The following NLGN1 variants were observed in gnomAD, a reference collection of about 807,000 sequenced individuals.
NLGN1 encodes the protein neuroligin 1, also known as neuroligin-1.
In NLGN1, 12 loss-of-function variants were observed where a neutral mutation model predicts 65.5. The observed-to-expected ratio is 0.18, with a 90% CI of 0.12 to 0.30. NLGN1 has a LOEUF of 0.30. Among genes scored for constraint, NLGN1 ranks in the 10% least tolerant of loss-of-function variants. The pLI is 1.00. For missense variants in NLGN1, 750 were observed against 1,007.1 expected (o/e 0.74, Z 3.46); for synonymous variants, 350 against 359.5 (o/e 0.97, Z 0.30).
At chr3:174,268,648 C>G (rs1006733582) in intron 4 of NLGN1, among the ~76,000 whole-genome samples, 5 of 152,054 alleles carry the variant, frequency 3.3e-5, no homozygotes, top group Admixed American at 2.6e-4. Flanking sequence ...ATAGAAGGAA[C>G]AATCTCACCT....
intron 4 of NLGN1, among the ~76,000 whole-genome samples, chr3:174,061,856 T>C (rs1297572583): frequency 2.0e-5 from 3 of 152,086 alleles, no homozygotes; most frequent in Non-Finnish European, 2.9e-5. Flanking sequence ...AGAAATTATG[T>C]GTAAAAGTGC....
intron 2 of NLGN1, among the ~76,000 whole-genome samples, chr3:173,556,676 G>A (rs147023005): frequency 1.3e-5 from 2 of 152,022 alleles, no homozygotes; most frequent in Non-Finnish European, 2.9e-5. Flanking sequence ...CCTGGTGCAC[G>A]TGCCTGTAGT....
chr3:173,662,966 CAAGTATA>C (rs1263012811), intron 3 of NLGN1, among the ~76,000 whole-genome samples: 1 of 151,822 alleles, frequency 6.6e-6, no homozygotes, highest in Non-Finnish European at 1.5e-5. Context: ...ATTTTTATAC[CAAGTATA>C]AAGCACACTG....
intron 3 of NLGN1, among the ~76,000 whole-genome samples, chr3:173,725,333 A>G (rs1469501705): frequency 1.3e-5 from 2 of 152,192 alleles, no homozygotes; most frequent in Non-Finnish European, 2.9e-5. Context: ...TTCAAAAGCC[A>G]AAAGTTACTA....
intron 4 of NLGN1, among the ~76,000 whole-genome samples, chr3:174,095,608 CAT>C (rs917319692): frequency 3.3e-5 from 5 of 151,224 alleles, no homozygotes; most frequent in African/African-American, 1.2e-4. Flanking sequence ...TATATACACA[CAT>C]GTATAAACTG....
chr3:174,177,428 G>GACCATAT (rs1267451443), intron 4 of NLGN1, among the ~76,000 whole-genome samples: 1 of 151,988 alleles, frequency 6.6e-6, no homozygotes, highest in African/African-American at 2.4e-5. Context: ...TAGAAGCGAT[G>GACCATAT]ACCATATTGT....
chr3:174,202,020 T>C (rs1430317054), intron 4 of NLGN1, among the ~76,000 whole-genome samples: 2 of 152,154 alleles, frequency 1.3e-5, no homozygotes, highest in African/African-American at 2.4e-5. Context: ...TCCCATTTCT[T>C]CCTCCTTCTT....
chr3:173,648,213 A>G (rs1758579038), intron 3 of NLGN1, among the ~76,000 whole-genome samples: 1 of 152,222 alleles, frequency 6.6e-6, no homozygotes, highest in East Asian at 1.9e-4. Context: ...ATGAACAGAT[A>G]TGCTACAAAT....
chr3:173,415,939 A>C (rs62290043), intron 1 of NLGN1, among the ~76,000 whole-genome samples: 11,216 of 122,384 alleles, frequency 0.092, 578 homozygotes, highest in Admixed American at 0.14. Flanking sequence ...AGAGAGAGAG[A>C]GAGAGCTTGG....
chr3:173,491,476 G>A (rs1270118745), intron 2 of NLGN1, among the ~76,000 whole-genome samples: 2 of 151,820 alleles, frequency 1.3e-5, no homozygotes, highest in Non-Finnish European at 2.9e-5. Context: ...GCTTTTTGAT[G>A]TGCTGCTGGA....
chr3:174,174,793 T>G (rs1729149525), intron 4 of NLGN1, among the ~76,000 whole-genome samples: 1 of 152,006 alleles, frequency 6.6e-6, no homozygotes, highest in South Asian at 2.1e-4. Flanking sequence ...AGCTGTAAAC[T>G]CCTCCCTTAG....
chr3:173,955,833 A>G (rs1274091510), intron 4 of NLGN1, among the ~76,000 whole-genome samples: 1 of 152,146 alleles, frequency 6.6e-6, no homozygotes, highest in Non-Finnish European at 1.5e-5. Flanking sequence ...TTCTATTATT[A>G]TTTAATTTAT....
chr3:174,166,741 T>C (rs1727559622), intron 4 of NLGN1, among the ~76,000 whole-genome samples: 1 of 152,048 alleles, frequency 6.6e-6, no homozygotes. Flanking sequence ...TCACTGTTAG[T>C]TTTCTGCCTC....
At chr3:173,421,986 C>G (rs890737864) in intron 1 of NLGN1, among the ~76,000 whole-genome samples, 3 of 151,960 alleles carry the variant, frequency 2.0e-5, no homozygotes, top group African/African-American at 7.3e-5. Context: ...TACATATATA[C>G]AATGTTTAAT....
At chr3:173,981,215 G>A (rs1718701180) in intron 4 of NLGN1, among the ~76,000 whole-genome samples, 1 of 152,036 alleles carries the variant, frequency 6.6e-6, no homozygotes, top group South Asian at 2.1e-4. Context: ...TACATATAAA[G>A]TATTTAAACA....
At chr3:173,907,871 CA>C (rs1378003356) in intron 4 of NLGN1, among the ~76,000 whole-genome samples, 2 of 152,040 alleles carry the variant, frequency 1.3e-5, no homozygotes, top group Middle Eastern at 3.2e-3. Flanking sequence ...AGGTGTGAGC[CA>C]CCACCCCCGG....
At chr3:173,716,091 A>C (rs1209401162) in intron 3 of NLGN1, among the ~76,000 whole-genome samples, 1 of 152,220 alleles carries the variant, frequency 6.6e-6, no homozygotes, top group African/African-American at 2.4e-5. Context: ...TTATTTCACG[A>C]AATAAAATTG....
chr3:173,706,303 G>T (rs560332280), intron 3 of NLGN1, among the ~76,000 whole-genome samples: 39 of 152,208 alleles, frequency 2.6e-4, no homozygotes, highest in South Asian at 1.2e-3. Flanking sequence ...CACATTTAAA[G>T]CTACCACTTT....
At chr3:174,012,269 C>T (rs979325396) in intron 4 of NLGN1, among the ~76,000 whole-genome samples, 2 of 152,138 alleles carry the variant, frequency 1.3e-5, no homozygotes, top group South Asian at 2.1e-4. Context: ...CTATACATTG[C>T]GTAGATATTG....
Sources: gnomAD v4.1 joint callset for allele counts (sites outside exome capture counted in the v4.1 genomes callset) on GRCh38, gnomAD v4.1.1 for gene constraint, MANE v1.5 for transcripts, NCBI Gene and HGNC (gene_info 2026-07-23, HGNC 2026-07-21) for gene names.